Variants in CBFA2T2 observed in about 807,000 individuals in gnomAD.
CBFA2T2 encodes the protein CBFA2/RUNX1 partner transcriptional co-repressor 2, also known as protein CBFA2T2.
CBFA2T2 carries 11 observed loss-of-function variants against 62.2 expected under a neutral mutation model. The observed-to-expected ratio is 0.18, with a 90% confidence interval of 0.11 to 0.29. The LOEUF (loss-of-function observed/expected upper bound fraction) is 0.29, where lower values mean the gene tolerates loss of function less well. Ranked by LOEUF, CBFA2T2 falls within the 10% of genes least tolerant of loss-of-function variation. The pLI is 1.00. For synonymous variants in CBFA2T2, 295 were observed against 287.5 expected (o/e 1.03, Z -0.27); for missense variants, 592 against 774.1 (o/e 0.76, Z 2.79).
chr20:33,644,727 A>T lies in CBFA2T2; in HGVS notation c.*81A>T. ...AGGGACTGACTGTTGGAACCCGTGC[A>T]TGTAGCTGCCGGGTCATCAGCAAGA... is the stretch of plus-strand genomic sequence containing the variant. On this transcript the variant is annotated 3_prime_UTR_variant, in exon 11 of 11. Transcript: ENST00000342704. 1 of 1,423,420 alleles carries T rather than the reference A, an allele frequency of 7.0e-7. No homozygotes were observed. The highest frequency in any genetic ancestry group is 1.4e-5 in the South Asian group (1 of 73,838). 88.2% of individuals were successfully genotyped at this position (1,423,420 alleles called of 1,614,324 possible). A position where few individuals can be genotyped will look rare whatever the true frequency, so the allele number is the denominator to read the frequency against.
At chr20:33,616,094 T>C (rs941089520) in intron 3 of CBFA2T2, among the ~76,000 whole-genome samples, 10 of 143,104 alleles carry the variant, frequency 7.0e-5, no homozygotes, top group African/African-American at 2.5e-4. Flanking sequence ...GATAGATAGA[T>C]AGATAGATAG....
intron 1 of CBFA2T2, 139 bp downstream of exon 1, chr20:33,490,440 C>T (rs888336173): frequency 5.4e-6 from 5 of 923,168 alleles, no homozygotes; most frequent in African/African-American, 5.2e-5. Flanking sequence ...GATCCAAGGT[C>T]ACGCAGCGGG....
intron 1 of CBFA2T2, among the ~76,000 whole-genome samples, chr20:33,504,469 C>T (rs1874601880): frequency 7.0e-6 from 1 of 143,504 alleles, no homozygotes; most frequent in South Asian, 2.1e-4. Flanking sequence ...AATGCAGTGG[C>T]ATGGCTCACG....
intron 3 of CBFA2T2, 120 bp downstream of exon 3, chr20:33,611,455 G>A: frequency 9.2e-7 from 1 of 1,089,550 alleles, no homozygotes; most frequent in Non-Finnish European, 1.3e-6. Flanking sequence ...AAATGCTACA[G>A]ACTAGACTAG....
chr20:33,602,607 A>G (rs1350820429), intron 1 of CBFA2T2, among the ~76,000 whole-genome samples: 1 of 151,910 alleles, frequency 6.6e-6, no homozygotes, highest in Non-Finnish European at 1.5e-5. Context: ...CCTCCGGTGG[A>G]TGCCTGAAAC....
intron 1 of CBFA2T2, among the ~76,000 whole-genome samples, chr20:33,570,315 T>C (rs1203932359): frequency 6.6e-6 from 1 of 152,062 alleles, no homozygotes; most frequent in African/African-American, 2.4e-5. Flanking sequence ...TACTAGAATT[T>C]GAAAAGCCCC....
chr20:33,519,998 T>A (rs1355393774), intron 1 of CBFA2T2, among the ~76,000 whole-genome samples: 1 of 151,978 alleles, frequency 6.6e-6, no homozygotes, highest in African/African-American at 2.4e-5. Context: ...AAATAAAAAA[T>A]TAGCCAGGCA....
rs757813261 is a variant in CBFA2T2, at chr20:33,644,305, C to T, written c.1489-42C>T. On this transcript the variant is annotated intron_variant, in intron 10 of 10. Coordinates refer to ENST00000342704, the MANE Select transcript of CBFA2T2 (RefSeq NM_001032999.3). Reference sequence around the variant, plus strand: ...GCAGGGAATGAATGGCAAGCCTGCCCCTCAATCCCAGCAACCACTAACTGA... The same window carrying T: ...GCAGGGAATGAATGGCAAGCCTGCCTCTCAATCCCAGCAACCACTAACTGA... 6 of 1,579,682 alleles carry T rather than the reference C, an allele frequency of 3.8e-6. No individual in the cohort carries two copies. In the African/African-American group the frequency reaches 6.7e-5, roughly 18 times the overall value.
intron 1 of CBFA2T2, among the ~76,000 whole-genome samples, chr20:33,587,457 A>G (rs1179304782): frequency 2.0e-5 from 3 of 151,358 alleles, no homozygotes; most frequent in South Asian, 4.2e-4. Context: ...TGGTAGAGAC[A>G]GGCTTTCACC....
At chr20:33,522,191 T>A (rs1488795626) in intron 1 of CBFA2T2, among the ~76,000 whole-genome samples, 1 of 152,032 alleles carries the variant, frequency 6.6e-6, no homozygotes, top group East Asian at 1.9e-4. Context: ...ACTTCACAGG[T>A]GAGAAAACCA....
At chr20:33,571,994 G>A (rs1285132852) in intron 1 of CBFA2T2, among the ~76,000 whole-genome samples, 1 of 152,160 alleles carries the variant, frequency 6.6e-6, no homozygotes, top group Non-Finnish European at 1.5e-5. Flanking sequence ...AGGTTCAAAC[G>A]ATTCTGCTGC....
At chr20:33,543,774 A>G (rs891556130) in intron 1 of CBFA2T2, among the ~76,000 whole-genome samples, 1 of 152,190 alleles carries the variant, frequency 6.6e-6, no homozygotes, top group African/African-American at 2.4e-5. Flanking sequence ...AGTAGAAGAC[A>G]GGCAACATTA....
intron 1 of CBFA2T2, among the ~76,000 whole-genome samples, chr20:33,571,324 A>G (rs1001462320): frequency 2.6e-5 from 4 of 152,212 alleles, no homozygotes; most frequent in African/African-American, 9.6e-5. Flanking sequence ...CACATTTTGT[A>G]CGCACAAATC....
At chr20:33,625,111 C>T (rs1406474662) in intron 6 of CBFA2T2, 94 bp downstream of exon 6, 1 of 1,257,304 alleles carries the variant, frequency 8.0e-7, no homozygotes, top group Non-Finnish European at 1.1e-6. Context: ...TGCTTTTTCC[C>T]ACTGATTGGA....
intron 1 of CBFA2T2, among the ~76,000 whole-genome samples, chr20:33,503,010 G>A (rs1748101386): frequency 7.0e-6 from 1 of 143,470 alleles, no homozygotes; most frequent in African/African-American, 2.6e-5. Flanking sequence ...AGAATGGCGT[G>A]AACCCGGGAG....
At chr20:33,620,233 C>T (rs2015893071) in intron 4 of CBFA2T2, among the ~76,000 whole-genome samples, 1 of 152,042 alleles carries the variant, frequency 6.6e-6, no homozygotes, top group African/African-American at 2.4e-5. Context: ...TTTGGCCAGT[C>T]ACGGTGGTTC....
At chr20:33,496,767 C>T (rs369700907) in intron 1 of CBFA2T2, among the ~76,000 whole-genome samples, 1 of 152,270 alleles carries the variant, frequency 6.6e-6, no homozygotes, top group Non-Finnish European at 1.5e-5. Flanking sequence ...GCTTGTCTGA[C>T]GTTGAATAGG....
chr20:33,623,106 C>T lies in CBFA2T2; in HGVS notation c.511-9C>T. 6.2e-7 allele frequency: 1 copy of T among 1,614,100 alleles called. No individual in the cohort carries two copies. The highest frequency in any genetic ancestry group is 8.5e-7 in the Non-Finnish European group (1 of 1,180,018). ...CCTAACACTGGAAAAACTGCCTCTTCCTTTCAAGGCCAACCTGCCCCTGCT... is the reference window on the plus strand; with the variant it reads ...CCTAACACTGGAAAAACTGCCTCTTTCTTTCAAGGCCAACCTGCCCCTGCT... On this transcript the variant is annotated splice_polypyrimidine_tract_variant and intron_variant, in intron 4 of 10. Transcript: ENST00000342704.
At chr20:33,559,912 G>A (rs557719388) in intron 1 of CBFA2T2, among the ~76,000 whole-genome samples, 46 of 152,250 alleles carry the variant, frequency 3.0e-4, no homozygotes, top group African/African-American at 9.6e-4. Context: ...ATTGCTTTCT[G>A]TTATGACAAG....
Sources: allele counts gnomAD v4.1 joint callset (sites outside exome capture counted in the v4.1 genomes callset), GRCh38; gene constraint gnomAD v4.1.1; transcripts MANE v1.5; gene names NCBI Gene and HGNC (gene_info 2026-07-23, HGNC 2026-07-21).